HCK: variants seen among roughly 807,000 people sequenced by gnomAD.
HCK encodes the protein tyrosine-protein kinase HCK.
A neutral mutation model predicts 70.4 loss-of-function variants in HCK; 40 were observed. That is an observed-to-expected ratio of 0.57 (90% CI 0.44 to 0.74). The LOEUF (loss-of-function observed/expected upper bound fraction) is 0.74. HCK is among the 30% of genes least tolerant of loss of function. The pLI is 0.00. For missense variants in HCK, 568 were observed against 697.2 expected (o/e 0.81, Z 2.09); for synonymous variants, 245 against 263.2 (o/e 0.93, Z 0.67).
intron 1 of HCK, among the ~76,000 whole-genome samples, chr20:32,057,390 A>C (rs1242861952): frequency 6.6e-6 from 1 of 152,210 alleles, no homozygotes; most frequent in Non-Finnish European, 1.5e-5. Context: ...ATCTGAGCTC[A>C]GGAGTTCGAG....
chr20:32,088,704 A>G, intron 10 of HCK, 60 bp downstream of exon 10: 1 of 1,242,100 alleles, frequency 8.1e-7, no homozygotes, highest in African/African-American at 1.5e-5. Context: ...TTACTTGCCA[A>G]ATATTTACTG....
intron 1 of HCK, among the ~76,000 whole-genome samples, chr20:32,062,611 A>G (rs1300627813): frequency 6.6e-6 from 1 of 151,868 alleles, no homozygotes; most frequent in Non-Finnish European, 1.5e-5. Context: ...TGGGGTTGTT[A>G]CTCCACCTGT....
chr20:32,073,202 T>G, intron 2 of HCK, 117 bp from the exon 3 acceptor site: 1 of 825,072 alleles, frequency 1.2e-6, no homozygotes, highest in Non-Finnish European at 2.0e-6. Flanking sequence ...GTGGGCCTCC[T>G]CCCACGACAT....
At position 32,093,955 on chromosome 20, in the gene HCK, T is replaced by TA. The variant is rs1466523175; in HGVS notation, c.1187dup (p.Ile397AspfsTer3). ...TCTTGGTCTCTGCATCCCTGGTGTGTAAGATTGCTGACTTTGGCCTGGCCC... is the reference window on the plus strand; with the variant it reads ...TCTTGGTCTCTGCATCCCTGGTGTGTAAAGATTGCTGACTTTGGCCTGGCCC... On this transcript the variant is annotated frameshift_variant, in exon 11 of 13. Coordinates refer to ENST00000375852, the MANE Select transcript of HCK (RefSeq NM_002110.5). LOFTEE classifies it high-confidence loss of function. 6.2e-7 allele frequency: 1 copy of TA among 1,613,722 alleles called. No individual in the cohort carries two copies. The highest frequency in any genetic ancestry group is 8.5e-7 in the Non-Finnish European group (1 of 1,179,956).
chr20:32,100,949 T>G (rs1440964774), intron 12 of HCK, among the ~76,000 whole-genome samples: 2 of 152,256 alleles, frequency 1.3e-5, no homozygotes, highest in Non-Finnish European at 2.9e-5. Context: ...GTCAGGACTC[T>G]GGGTTCCTGT....
At chr20:32,075,479 A>G (rs1455714058) in intron 5 of HCK, among the ~76,000 whole-genome samples, 2 of 152,150 alleles carry the variant, frequency 1.3e-5, no homozygotes, top group Admixed American at 1.3e-4. Flanking sequence ...CTGGGATTAT[A>G]GGCCTGAACC....
chr20:32,096,039 G>A (rs2045950371), intron 11 of HCK, among the ~76,000 whole-genome samples: 1 of 151,744 alleles, frequency 6.6e-6, no homozygotes, highest in African/African-American at 2.4e-5. Flanking sequence ...ACAAGCATGT[G>A]CCATCATGCC....
At chr20:32,067,509 C>G (rs143554297) in intron 1 of HCK, among the ~76,000 whole-genome samples, 2 of 148,950 alleles carry the variant, frequency 1.3e-5, no homozygotes, top group African/African-American at 4.9e-5. Flanking sequence ...GGTCATAGAG[C>G]AGGAATGTCC....
At chr20:32,080,597 G>A (rs1273664921) in intron 6 of HCK, among the ~76,000 whole-genome samples, 1 of 152,186 alleles carries the variant, frequency 6.6e-6, no homozygotes, top group African/African-American at 2.4e-5. Context: ...GGGCTCAAAT[G>A]ATTCTCCCAT....
intron 7 of HCK, 36 bp downstream of exon 7, chr20:32,084,079 A>C (rs754997982): frequency 6.2e-7 from 1 of 1,603,660 alleles, no homozygotes; most frequent in South Asian, 1.1e-5. Flanking sequence ...CCCCACCACG[A>C]TGGGCCCACA....
intron 1 of HCK, among the ~76,000 whole-genome samples, chr20:32,062,108 T>A (rs2045388487): frequency 6.6e-6 from 1 of 151,762 alleles, no homozygotes; most frequent in South Asian, 2.1e-4. Flanking sequence ...CCCGCCTAAT[T>A]TTTGTATTTT....
chr20:32,072,673 T>C (rs2045560383), intron 2 of HCK: 1 of 152,184 alleles, frequency 6.6e-6, no homozygotes, highest in African/African-American at 2.4e-5. Flanking sequence ...AACAGAGCCT[T>C]TATTTATGGA....
chr20:32,066,303 CTTTTTTTTT>C (rs35827345), intron 1 of HCK, among the ~76,000 whole-genome samples: 8 of 46,224 alleles, frequency 1.7e-4, no homozygotes, highest in East Asian at 1.7e-3. Flanking sequence ...CCTCCAGTGA[CTTTTTTTTT>C]TTTTTTTTTT....
intron 10 of HCK, among the ~76,000 whole-genome samples, chr20:32,092,907 A>T (rs889605895): frequency 6.6e-6 from 1 of 152,098 alleles, no homozygotes; most frequent in Non-Finnish European, 1.5e-5. Flanking sequence ...GCCCAATCCA[A>T]AAAAGCTCTC....
At chr20:32,069,751 G>A (rs2122517188) in intron 1 of HCK, 2 of 1,277,058 alleles carry the variant, frequency 1.6e-6, no homozygotes, top group Non-Finnish European at 2.0e-6. Context: ...CACCAGAAGA[G>A]GTAAATCCTT....
At chr20:32,060,743 C>T (rs1468073234) in intron 1 of HCK, among the ~76,000 whole-genome samples, 1 of 151,850 alleles carries the variant, frequency 6.6e-6, no homozygotes, top group Admixed American at 6.6e-5. Context: ...TGAGATAGTT[C>T]AAGTCCTTTG....
In HCK at chr20:32,101,675, G is replaced by A. The variant is rs534090502; in HGVS notation, c.*156G>A. 237 of 561,098 alleles carry A rather than the reference G, an allele frequency of 4.2e-4. 2 individuals are homozygous for A. The highest frequency in any genetic ancestry group is 3.7e-3 in the African/African-American group (199 of 53,220). The allele number at this position is 561,098 out of a possible 1,614,324, so 34.8% of individuals were successfully genotyped here. ...ATCTGTCCAGTGGGTAGGTTGGACT[G>A]GAAAATCTCTTTTTGACTCTTGCAA... is the stretch of plus-strand genomic sequence containing the variant. On this transcript the variant is annotated 3_prime_UTR_variant, in exon 13 of 13. Transcript: ENST00000375852.
At chr20:32,086,842 G>T (rs772046066) in intron 9 of HCK, 35 bp downstream of exon 9, 2 of 1,517,264 alleles carry the variant, frequency 1.3e-6, no homozygotes, top group Non-Finnish European at 1.8e-6. Flanking sequence ...GCAGGCTGTG[G>T]CCTATACTGG....
intron 1 of HCK, among the ~76,000 whole-genome samples, chr20:32,068,022 C>T (rs1189100896): frequency 6.6e-6 from 1 of 151,958 alleles, no homozygotes; most frequent in African/African-American, 2.4e-5. Context: ...ATAGGCCAGG[C>T]GCAGTGGCTC....
Sources: allele counts gnomAD v4.1 joint callset (sites outside exome capture counted in the v4.1 genomes callset), GRCh38; gene constraint gnomAD v4.1.1; transcripts MANE v1.5; gene names NCBI Gene and HGNC (gene_info 2026-07-23, HGNC 2026-07-21).